The following IZUMO1 variants were observed in gnomAD, a reference collection of about 807,000 sequenced individuals.
The protein encoded by IZUMO1 is izumo sperm-egg fusion protein 1.
IZUMO1 carries 44 observed loss-of-function variants against 40.7 expected under a neutral mutation model. That is an observed-to-expected ratio of 1.08 (90% CI 0.85 to 1.39). The LOEUF (loss-of-function observed/expected upper bound fraction) is 1.39. Among genes scored for constraint, IZUMO1 ranks in the 40% most tolerant of loss-of-function variants. The pLI is 0.00. For missense variants in IZUMO1, 368 were observed against 436.9 expected (o/e 0.84, Z 1.41); for synonymous variants, 149 against 170.9 (o/e 0.87, Z 1.00).
chr19:48,740,971 G>A lies in IZUMO1; in HGVS notation c.990C>T (p.Gly330=). Residue 330 remains glycine, a synonymous_variant, in exon 10 of 10, where the codon GGC becomes GGT. Transcript: ENST00000332955. This position sits in a 1 kb window ranked among gnomAD's most constrained non-coding sequence, Gnocchi z 5.5. ...DFIKSSLFGL[G]SGAAEQTQVP... The stretch of plus-strand genomic sequence containing the variant: ...CCTGGGTTTGCTCGGCCGCTCCACT[G>A]CCAAGGCCAAACAGTGAGGATTTGA... The A allele has an allele frequency of 6.2e-7, 1 of 1,614,126 alleles. No homozygotes were observed. The highest frequency in any genetic ancestry group is 8.5e-7 in the Non-Finnish European group (1 of 1,180,002).
intron 2 of IZUMO1, 107 bp downstream of exon 2, chr19:48,745,518 T>C: frequency 7.3e-7 from 1 of 1,367,788 alleles, no homozygotes; most frequent in Non-Finnish European, 1.0e-6. Flanking sequence ...ATCTCAGCCT[T>C]CTCCATTCCC....
chr19:48,741,619 C>A lies in IZUMO1; in HGVS notation c.755-141G>T. The A allele has an allele frequency of 8.0e-7, 1 of 1,253,924 alleles. No individual in the cohort carries two copies. Among genetic ancestry groups the A allele is most frequent in the Non-Finnish European group, 1.1e-6 (1 of 913,938 alleles). The allele number at this position is 1,253,924 out of a possible 1,614,324, so 77.7% of individuals were successfully genotyped here. On this transcript the variant is annotated intron_variant, in intron 8 of 9. Coordinates refer to ENST00000332955, the MANE Select transcript of IZUMO1 (RefSeq NM_182575.3). This position sits in a 1 kb window ranked among gnomAD's most constrained non-coding sequence, Gnocchi z 4.4. ...CAAGCCTGAACACACCCAAGGGAAC[C>A]CCTGTCCTCGGGGCCAGAGGCCACG...
rs201483135 is a variant in IZUMO1, at chr19:48,745,820, C to A, written c.40G>T (p.Gly14Cys). 7.4e-6 allele frequency: 12 copies of A among 1,614,212 alleles called. No individual in the cohort carries two copies. The South Asian group carries it at 1.3e-4, about 18-fold the overall frequency. Residue 14 changes from glycine (G) to cysteine (C), a missense_variant, in exon 2 of 10, where the codon GGT (glycine) becomes TGT (cysteine). Coordinates refer to ENST00000332955, the MANE Select transcript of IZUMO1 (RefSeq NM_182575.3). ...HFTLLCAALA[G>C]CLLPAEGCVI... ...CACCCCTCGGCAGGAAGCAAGCAACCGGCCAGCGCCGCACACAGGAGGGTA... is the reference window on the plus strand; with the variant it reads ...CACCCCTCGGCAGGAAGCAAGCAACAGGCCAGCGCCGCACACAGGAGGGTA...
intron 3 of IZUMO1, 43 bp downstream of exon 3, chr19:48,745,171 T>C: frequency 6.5e-7 from 1 of 1,530,086 alleles, no homozygotes; most frequent in Non-Finnish European, 9.1e-7. Context: ...TAACGCTGGC[T>C]TCTCTGAGAG....
In IZUMO1 at chr19:48,742,270, A is replaced by G; in HGVS notation, c.539T>C (p.Leu180Pro). The change falls in exon 7 of 10, where the codon CTG becomes CCG. Residue 180 changes from leucine to proline, a missense_variant. Coordinates refer to ENST00000332955, the MANE Select transcript of IZUMO1 (RefSeq NM_182575.3). ...CTGATGCCAGTTTAACTCACAGTCC[A>G]GGATCATGTCTTCCATTTGAGGAAC... ...VEVPQMEDMI[L>P]DCELNWHQAS... The G allele has an allele frequency of 1.2e-6, 2 of 1,614,178 alleles. No homozygotes were observed. Among genetic ancestry groups the G allele is most frequent in the Middle Eastern group, 1.7e-4 (1 of 6,060 alleles).
rs891251247 is a variant in IZUMO1 at position 48,741,730 on chromosome 19, C to T, written c.754+59G>A. 19 of 1,501,588 alleles carry T rather than the reference C, an allele frequency of 1.3e-5. No individual in the cohort carries two copies. Among genetic ancestry groups the T allele is most frequent in the Non-Finnish European group, 1.7e-5 (19 of 1,122,338 alleles). 93.0% of individuals were successfully genotyped at this position (1,501,588 alleles called of 1,614,324 possible). A position where few individuals can be genotyped will look rare whatever the true frequency, so the allele number is the denominator to read the frequency against. ...CATCGCCAAGGCCACGCCCCCGCCG[C>T]GGACCCCAGCTTTCCTGGGCCCTGA... On this transcript the variant is annotated intron_variant, in intron 8 of 9. Transcript: ENST00000332955. This position sits in a 1 kb window ranked among gnomAD's most constrained non-coding sequence, Gnocchi z 4.4.
rs750628658 is a variant in IZUMO1 at position 48,742,249 on chromosome 19, T to C, written c.560A>G (p.His187Arg). The change falls in exon 7 of 10, where the codon CAT becomes CGT. Residue 187 changes from histidine (H) to arginine (R), a missense_variant. Transcript: ENST00000332955. ...ATCAGTGAGGCCTTCCGAAGCCTGA[T>C]GCCAGTTTAACTCACAGTCCAGGAT... The part of the protein sequence containing the change: ...DMILDCELNW[H>R]QASEGLTDYS... 6.2e-7 allele frequency: 1 copy of C among 1,614,216 alleles called. No individual in the cohort carries two copies. The highest frequency in any genetic ancestry group is 1.1e-5 in the South Asian group (1 of 91,088).
intron 2 of IZUMO1, 62 bp downstream of exon 2, chr19:48,745,563 C>T: frequency 1.3e-6 from 2 of 1,594,972 alleles, no homozygotes; most frequent in Non-Finnish European, 1.7e-6. Context: ...CCTCTTCCTT[C>T]CCCTGGTCTT....
chr19:48,746,736 T>C lies in IZUMO1; in HGVS notation c.-375A>G, dbSNP rs1034443898. On this transcript the variant is annotated 5_prime_UTR_variant, in exon 1 of 10. Coordinates refer to ENST00000332955, the MANE Select transcript of IZUMO1 (RefSeq NM_182575.3). ...GGGTCATGACCACCTACGCTAATTT[T>C]CCCAGGGGTAAAATCAAGGATTGTG... is the stretch of plus-strand genomic sequence containing the variant. 2.0e-6 allele frequency: 2 copies of C among 985,228 alleles called. No individual in the cohort carries two copies. The highest frequency in any genetic ancestry group is 3.5e-5 in the African/African-American group (2 of 57,174). 61.0% of individuals were successfully genotyped at this position (985,228 alleles called of 1,614,324 possible). A position where few individuals can be genotyped will look rare whatever the true frequency, so the allele number is the denominator to read the frequency against.
intron 1 of IZUMO1, 145 bp from the exon 2 acceptor site, chr19:48,746,077 A>G (rs981615754): frequency 3.9e-5 from 55 of 1,406,126 alleles, no homozygotes; most frequent in Non-Finnish European, 5.1e-5. Flanking sequence ...CCGAAGTGTG[A>G]AACTGAGCCC....
Position 48,745,232 on chromosome 19 carries a change from T to C in IZUMO1, c.292A>G (p.Thr98Ala). ...WSLLKDLKRI[T>A]DSDVKGDLFV... ...CATTTACCTTTTACATCACTGTCTG[T>C]GATGCGTTTCAGATCCTTCAGCAAA... The change falls in exon 3 of 10, where the codon ACA becomes GCA. Residue 98 changes from threonine (T) to alanine (A), a missense_variant. Coordinates refer to ENST00000332955, the MANE Select transcript of IZUMO1 (RefSeq NM_182575.3). 1.2e-6 allele frequency: 2 copies of C among 1,613,996 alleles called. No homozygotes were observed. Among genetic ancestry groups the C allele is most frequent in the East Asian group, 2.2e-5 (1 of 44,882 alleles).
Position 48,741,682 on chromosome 19 carries a change from C to CA in IZUMO1, c.754+106dup. 1 of 1,401,714 alleles carries CA rather than the reference C, an allele frequency of 7.1e-7. No homozygotes were observed. The highest frequency in any genetic ancestry group is 9.5e-7 in the Non-Finnish European group (1 of 1,050,146). 86.8% of individuals were successfully genotyped at this position (1,401,714 alleles called of 1,614,324 possible). Reference sequence around the variant, plus strand: ...AGCCACACCCCGTGCCCCGAAACCACACCCAACAGGAAGTCACGCCCCCAT... The same window carrying CA: ...AGCCACACCCCGTGCCCCGAAACCACAACCCAACAGGAAGTCACGCCCCCAT... On this transcript the variant is annotated intron_variant, in intron 8 of 9. Transcript: ENST00000332955. This position sits in a 1 kb window ranked among gnomAD's most constrained non-coding sequence, Gnocchi z 4.4.
intron 3 of IZUMO1, 130 bp downstream of exon 3, chr19:48,745,084 G>C (rs1239678354): frequency 1.4e-6 from 1 of 738,630 alleles, no homozygotes; most frequent in African/African-American, 1.7e-5. Flanking sequence ...GTACAGCTAG[G>C]AAGTGGCAGA....
In IZUMO1 at chr19:48,741,400, A is replaced by C; in HGVS notation, c.833T>G (p.Ile278Arg). The C allele has an allele frequency of 6.2e-7, 1 of 1,613,594 alleles. No individual in the cohort carries two copies. Among genetic ancestry groups the C allele is most frequent in the South Asian group, 1.1e-5 (1 of 91,064 alleles). ...TPGEATTESSISLQPLQPEKM... is the reference protein window; with the variant it reads ...TPGEATTESSRSLQPLQPEKM... ...CTCGGGCTGCAGAGGCTGGAGGCTT[A>C]TGGACGACTCCGTGGTCGCCTCCCC... The change falls in exon 9 of 10, where the codon ATA becomes AGA. Residue 278 changes from isoleucine to arginine, a missense_variant. Physicochemically the swap from Ile to Arg is moderately conservative, Grantham distance 97 (BLOSUM62 -3). Transcript: ENST00000332955. This position sits in a 1 kb window ranked among gnomAD's most constrained non-coding sequence, Gnocchi z 4.4.
At chr19:48,745,096 C>G in intron 3 of IZUMO1, 118 bp downstream of exon 3, 2 of 798,544 alleles carry the variant, frequency 2.5e-6, no homozygotes, top group South Asian at 3.1e-5. Flanking sequence ...AGTGGCAGAG[C>G]AGGCATTGGA....
intron 4 of IZUMO1, 127 bp from the exon 5 acceptor site, chr19:48,744,322 G>A: frequency 8.1e-7 from 1 of 1,230,144 alleles, no homozygotes; most frequent in Admixed American, 1.7e-5. Context: ...AGGGAGAAAA[G>A]ACTTGGGTCT....
rs1018538074 is a variant in IZUMO1, at chr19:48,741,322, A to C, written c.911T>G (p.Leu304Arg). 5 of 1,603,460 alleles carry C rather than the reference A, an allele frequency of 3.1e-6. No homozygotes were observed. The highest frequency in any genetic ancestry group is 1.7e-5 in the Admixed American group (1 of 59,686). ...TTACGCAAAGGTAAGGCCGGTTATC[A>C]GTGCTAGGGAGCCGCAGATCAGCAG... ...LGLLICGSLA[L>R]ITGLTFAIFR... The change falls in exon 9 of 10, where the codon CTG (leucine) becomes CGG (arginine). Residue 304 changes from leucine to arginine, a missense_variant. By Grantham distance (102) the Leu-to-Arg change is moderately radical. Coordinates refer to ENST00000332955, the MANE Select transcript of IZUMO1 (RefSeq NM_182575.3). This position sits in a 1 kb window ranked among gnomAD's most constrained non-coding sequence, Gnocchi z 4.4.
At chr19:48,743,820 G>C in intron 5 of IZUMO1, 1 of 488,130 alleles carries the variant, frequency 2.0e-6, no homozygotes, top group Non-Finnish European at 3.7e-6. Flanking sequence ...GTGAAACCCC[G>C]TCTCTGCTAA....
intron 6 of IZUMO1, among the ~76,000 whole-genome samples, chr19:48,742,790 C>T (rs1432757806): frequency 2.2e-5 from 3 of 137,254 alleles, no homozygotes; most frequent in Admixed American, 7.8e-5. Context: ...TGCAGTGGCG[C>T]GATCTTATCT....
Sources: gnomAD v4.1 joint callset for allele counts (sites outside exome capture counted in the v4.1 genomes callset) on GRCh38, gnomAD v4.1.1 for gene constraint, Gnocchi (gnomAD v3.1) non-coding constraint, MANE v1.5 for transcripts, NCBI Gene and HGNC (gene_info 2026-07-23, HGNC 2026-07-21) for gene names.